BCO1: variants seen among roughly 807,000 people sequenced by gnomAD.
BCO1 encodes beta-carotene oxygenase 1, also known as beta,beta-carotene 15,15'-dioxygenase.
A neutral mutation model predicts 56.3 loss-of-function variants in BCO1; 54 were observed. That is an observed-to-expected ratio of 0.96 (90% CI 0.77 to 1.20). The LOEUF is 1.20. Among genes scored for constraint, BCO1 ranks in the 50% most tolerant of loss-of-function variants. The pLI is 0.00. For missense variants in BCO1, 801 were observed against 690.9 expected (o/e 1.16, Z -1.79); for synonymous variants, 318 against 266.1 (o/e 1.20, Z -1.90).
At position 81,240,313 on chromosome 16, in the gene BCO1, A is replaced by G. The variant is rs969109617; in HGVS notation, c.64+1341A>G. Among the ~76,000 whole-genome samples, 22 of 152,162 alleles carry G rather than the reference A, an allele frequency of 1.4e-4. No individual in the cohort carries two copies. The East Asian group carries it at 1.5e-3, about 11-fold the overall frequency. On this transcript the variant is annotated intron_variant, in intron 1 of 10. Coordinates refer to ENST00000258168, the MANE Select transcript of BCO1 (RefSeq NM_017429.3). ...TAGGTAGATCAATTGATAGATTACT[A>G]TATTTGTAAACAGTTTTTCAAAAAG... is the stretch of plus-strand genomic sequence containing the variant.
chr16:81,276,986 G>C (rs1263665652), intron 7 of BCO1, among the ~76,000 whole-genome samples: 1 of 143,268 alleles, frequency 7.0e-6, no homozygotes, highest in Non-Finnish European at 1.5e-5. Flanking sequence ...GGAACTGCTC[G>C]AACCCGGGAG....
At chr16:81,245,013 C>T (rs28445158) in intron 1 of BCO1, among the ~76,000 whole-genome samples, 58,790 of 151,896 alleles carry the variant, frequency 0.39, 11,973 homozygotes, top group African/African-American at 0.52. Context: ...GCCTCAGCCT[C>T]CCGAGTAGCT....
At chr16:81,239,015 TTATTA>T (rs764404878) in intron 1 of BCO1, 43 bp downstream of exon 1, 2 of 1,530,960 alleles carry the variant, frequency 1.3e-6, no homozygotes, top group Non-Finnish European at 1.8e-6. Context: ...TCTATTTATT[TTATTA>T]TTTTTTTTTT....
At chr16:81,239,107 C>T in intron 1 of BCO1, 135 bp downstream of exon 1, 1 of 732,978 alleles carries the variant, frequency 1.4e-6, no homozygotes, top group South Asian at 1.8e-5. Context: ...ACCTCTGCCT[C>T]CTGGGTTCAA....
chr16:81,247,083 G>T (rs1461774659), intron 2 of BCO1, among the ~76,000 whole-genome samples: 1 of 152,168 alleles, frequency 6.6e-6, no homozygotes, highest in Non-Finnish European at 1.5e-5. Flanking sequence ...GCCAGTTTAT[G>T]CTACAAAATC....
chr16:81,289,301 T>A (rs1908339791), intron 10 of BCO1, among the ~76,000 whole-genome samples: 1 of 152,090 alleles, frequency 6.6e-6, no homozygotes, highest in Non-Finnish European at 1.5e-5. Context: ...GAAGGATGAG[T>A]TTAGTAGCAC....
intron 3 of BCO1, among the ~76,000 whole-genome samples, chr16:81,261,187 C>T (rs1317814080): frequency 6.6e-6 from 1 of 152,142 alleles, no homozygotes; most frequent in Non-Finnish European, 1.5e-5. Flanking sequence ...GAATTTGAAA[C>T]CACGACCTGG....
At chr16:81,280,463 A>G (rs2150639528) in intron 7 of BCO1, among the ~76,000 whole-genome samples, 1 of 152,146 alleles carries the variant, frequency 6.6e-6, no homozygotes, top group African/African-American at 2.4e-5. Context: ...TGTGATAAGC[A>G]TTTCCCATGT....
intron 2 of BCO1, among the ~76,000 whole-genome samples, chr16:81,252,789 A>G (rs1905890411): frequency 6.6e-6 from 1 of 152,188 alleles, no homozygotes; most frequent in Non-Finnish European, 1.5e-5. Context: ...TTTCTTGGAC[A>G]ATGCAGTTTC....
Position 81,266,496 on chromosome 16 carries a change from A to ACC in BCO1, c.620-1412_620-1411insCC, listed in dbSNP as rs775500498. Among the ~76,000 whole-genome samples the ACC allele has an allele frequency of 6.6e-5, 10 of 152,108 alleles. No individual in the cohort carries two copies. The East Asian group carries it at 1.9e-3, about 29-fold the overall frequency. ...CACTGTCTTGTAGAGCCCCCTGAGC[A>ACC]AACTACCAGGCACTGCCTGGAGATA... is the stretch of plus-strand genomic sequence containing the variant. On this transcript the variant is annotated intron_variant, in intron 5 of 10. Coordinates refer to ENST00000258168, the MANE Select transcript of BCO1 (RefSeq NM_017429.3).
In BCO1 at chr16:81,273,982, C is replaced by A. The variant is rs544099061; in HGVS notation, c.1101+3566C>A. ...AGGGCTATTGGATGAACAGCCACGT[C>A]CCATGAAATCAGCACATGAGCCCTG... On this transcript the variant is annotated intron_variant, in intron 7 of 10. Coordinates refer to ENST00000258168, the MANE Select transcript of BCO1 (RefSeq NM_017429.3). 2.6e-5 allele frequency among the ~76,000 whole-genome samples: 4 copies of A among 152,322 alleles called. No homozygotes were observed. The South Asian group carries it at 6.2e-4, about 24-fold the overall frequency.
intron 2 of BCO1, among the ~76,000 whole-genome samples, chr16:81,256,817 C>T (rs960813129): frequency 2.0e-5 from 3 of 151,822 alleles, no homozygotes; most frequent in African/African-American, 4.8e-5. Context: ...GAACCTGAGA[C>T]GTGGAGGTTA....
chr16:81,270,568 G>A (rs546439489), intron 7 of BCO1, 152 bp downstream of exon 7: 5 of 1,050,342 alleles, frequency 4.8e-6, no homozygotes, highest in East Asian at 2.6e-5. Flanking sequence ...AAGTAGTACC[G>A]ATTCATAATA....
intron 3 of BCO1, among the ~76,000 whole-genome samples, chr16:81,260,569 C>T (rs558714263): frequency 1.6e-4 from 24 of 152,176 alleles, no homozygotes; most frequent in Admixed American, 3.9e-4. Flanking sequence ...AGTGCAATGG[C>T]GCAATCTCAG....
At chr16:81,257,326 G>A (rs550311178) in intron 2 of BCO1, among the ~76,000 whole-genome samples, 21 of 152,094 alleles carry the variant, frequency 1.4e-4, no homozygotes, top group African/African-American at 3.4e-4. Flanking sequence ...GGGCAGTGGC[G>A]CGATCTCGGC....
chr16:81,283,428 T>A (rs1004888436), intron 8 of BCO1, among the ~76,000 whole-genome samples: 2 of 146,998 alleles, frequency 1.4e-5, no homozygotes, highest in African/African-American at 2.5e-5. Context: ...CATCTCTATT[T>A]AAAAAAAAAA....
Position 81,277,708 on chromosome 16 carries a change from C to T in BCO1, c.1102-3149C>T, listed in dbSNP as rs1322264229. 2.6e-5 allele frequency among the ~76,000 whole-genome samples: 4 copies of T among 152,162 alleles called. No homozygotes were observed. The East Asian group carries it at 5.8e-4, about 22-fold the overall frequency. On this transcript the variant is annotated intron_variant, in intron 7 of 10. Coordinates refer to ENST00000258168, the MANE Select transcript of BCO1 (RefSeq NM_017429.3). The stretch of plus-strand genomic sequence containing the variant: ...GATGACTGCTTCTTATGAGAGTTCC[C>T]TTAAGTGTCGGGATTTCAATGTAAG...
intron 2 of BCO1, among the ~76,000 whole-genome samples, chr16:81,251,874 A>ATGTG (rs56069135): frequency 0.03 from 4,439 of 146,714 alleles, 191 homozygotes; most frequent in East Asian, 0.21. Flanking sequence ...ACACACATAT[A>ATGTG]TGTGTGTGTG....
rs777417161 is a variant in BCO1 at position 81,259,769 on chromosome 16, T to C, written c.287T>C (p.Met96Thr). ...ATTGTGGTGTCTGAGTTTGGAACAATGGCCTATCCGGACCCCTGCAAAAAC... is the reference window on the plus strand; with the variant it reads ...ATTGTGGTGTCTGAGTTTGGAACAACGGCCTATCCGGACCCCTGCAAAAAC... ...NRIVVSEFGTMAYPDPCKNIF... is the reference protein window; with the variant it reads ...NRIVVSEFGTTAYPDPCKNIF... Residue 96 changes from methionine (M) to threonine (T), a missense_variant, in exon 3 of 11, where the codon ATG becomes ACG. Coordinates refer to ENST00000258168, the MANE Select transcript of BCO1 (RefSeq NM_017429.3). The C allele has an allele frequency of 2.9e-5, 47 of 1,614,124 alleles. No homozygotes were observed. The highest frequency in any genetic ancestry group is 1.2e-4 in the South Asian group (11 of 91,092).
Sources: gnomAD v4.1 joint callset for allele counts (sites outside exome capture counted in the v4.1 genomes callset) on GRCh38, gnomAD v4.1.1 for gene constraint, MANE v1.5 for transcripts, NCBI Gene and HGNC (gene_info 2026-07-23, HGNC 2026-07-21) for gene names.